DLG2: variants seen among roughly 807,000 people sequenced by gnomAD.
DLG2 encodes discs large MAGUK scaffold protein 2, also known as disks large homolog 2.
DLG2 carries 45 observed loss-of-function variants against 132.5 expected under a neutral mutation model. The observed-to-expected ratio is 0.34, with a 90% CI of 0.27 to 0.44. DLG2 has a LOEUF of 0.44. Ranked by LOEUF, DLG2 falls within the 20% of genes least tolerant of loss-of-function variation. The probability of loss-of-function intolerance (pLI) is 1.00; values close to 1 mark genes in which losing one functional copy is unlikely to be tolerated. For synonymous variants in DLG2, 424 were observed against 419.6 expected (o/e 1.01, Z -0.13); for missense variants, 1,045 against 1,196.9 (o/e 0.87, Z 1.87).
chr11:84,144,270 T>C (rs1213867820), intron 9 of DLG2, among the ~76,000 whole-genome samples: 1 of 152,138 alleles, frequency 6.6e-6, no homozygotes, highest in Non-Finnish European at 1.5e-5. Context: ...ACCAAGCCTG[T>C]TTTCTTACCT....
At chr11:83,746,027 T>A (rs749001698) in intron 18 of DLG2, among the ~76,000 whole-genome samples, 3 of 152,004 alleles carry the variant, frequency 2.0e-5, no homozygotes, top group Admixed American at 6.6e-5. Context: ...TCACAATGAG[T>A]TACCATCTCA....
At chr11:84,207,851 G>C (rs777677190) in intron 8 of DLG2, among the ~76,000 whole-genome samples, 2 of 152,050 alleles carry the variant, frequency 1.3e-5, no homozygotes, top group Non-Finnish European at 2.9e-5. Flanking sequence ...GCCACGGTCT[G>C]GGACAGAACT....
At chr11:85,434,663 GA>G (rs1565487950) in intron 3 of DLG2, among the ~76,000 whole-genome samples, 1 of 152,118 alleles carries the variant, frequency 6.6e-6, no homozygotes, top group East Asian at 1.9e-4. Flanking sequence ...AACAAGTTCT[GA>G]AATCAAGGCA....
chr11:85,320,156 C>T (rs2080959991), intron 3 of DLG2, among the ~76,000 whole-genome samples: 1 of 151,804 alleles, frequency 6.6e-6, no homozygotes, highest in African/African-American at 2.4e-5. Flanking sequence ...TTACCATATG[C>T]TGTGATAAAA....
At chr11:83,959,754 C>G (rs946472559) in intron 14 of DLG2, among the ~76,000 whole-genome samples, 2 of 152,058 alleles carry the variant, frequency 1.3e-5, no homozygotes, top group African/African-American at 4.8e-5. Flanking sequence ...CCTTTGAAAA[C>G]AGACAGACCT....
chr11:84,299,437 A>G (rs2098128593), intron 7 of DLG2, among the ~76,000 whole-genome samples: 2 of 152,146 alleles, frequency 1.3e-5, no homozygotes, highest in Non-Finnish European at 2.9e-5. Flanking sequence ...TATTTGAAAC[A>G]CTCTGGATAT....
chr11:85,245,494 C>T (rs1032848512), intron 4 of DLG2, among the ~76,000 whole-genome samples: 1 of 151,972 alleles, frequency 6.6e-6, no homozygotes, highest in African/African-American at 2.4e-5. Context: ...CTTCTCACCA[C>T]TTCCATCACT....
intron 6 of DLG2, among the ~76,000 whole-genome samples, chr11:84,980,456 C>A (rs945728234): frequency 6.6e-6 from 1 of 152,110 alleles, no homozygotes; most frequent in African/African-American, 2.4e-5. Context: ...CCAATCAACA[C>A]TGTATCCTAA....
At chr11:83,961,545 A>G (rs918110297) in intron 14 of DLG2, among the ~76,000 whole-genome samples, 1 of 152,068 alleles carries the variant, frequency 6.6e-6, no homozygotes, top group African/African-American at 2.4e-5. Context: ...AATGGAGATG[A>G]AAGCCTTTTT....
intron 3 of DLG2, among the ~76,000 whole-genome samples, chr11:85,423,534 G>C (rs775191546): frequency 6.6e-6 from 1 of 152,160 alleles, no homozygotes; most frequent in Admixed American, 6.5e-5. Flanking sequence ...GGGTGGGTAG[G>C]GAAGAACCAC....
At chr11:84,903,445 T>C (rs2091140517) in intron 6 of DLG2, among the ~76,000 whole-genome samples, 1 of 152,144 alleles carries the variant, frequency 6.6e-6, no homozygotes, top group South Asian at 2.1e-4. Flanking sequence ...TATGCTTACA[T>C]CATCATAATG....
At chr11:85,349,653 C>T (rs2083128116) in intron 3 of DLG2, among the ~76,000 whole-genome samples, 1 of 152,104 alleles carries the variant, frequency 6.6e-6, no homozygotes, top group African/African-American at 2.4e-5. Flanking sequence ...TAAGTGATAA[C>T]ATGCAGTGTT....
intron 6 of DLG2, among the ~76,000 whole-genome samples, chr11:84,716,801 G>T (rs1310305822): frequency 1.3e-5 from 2 of 151,764 alleles, no homozygotes; most frequent in Non-Finnish European, 1.5e-5. Context: ...AGAACTTAAG[G>T]TTAGATGGGA....
chr11:85,533,432 T>C (rs567505302), intron 3 of DLG2, among the ~76,000 whole-genome samples: 105 of 148,250 alleles, frequency 7.1e-4, no homozygotes, highest in Non-Finnish European at 1.1e-3. Flanking sequence ...AATATATATA[T>C]GAAATACATA....
chr11:83,637,161 G>T (rs1172302909), intron 18 of DLG2, among the ~76,000 whole-genome samples: 2 of 152,116 alleles, frequency 1.3e-5, no homozygotes, highest in African/African-American at 4.8e-5. Flanking sequence ...TAGAAGTCCT[G>T]AAATTGTATT....
At chr11:84,850,955 C>T (rs1420492416) in intron 6 of DLG2, among the ~76,000 whole-genome samples, 1 of 152,060 alleles carries the variant, frequency 6.6e-6, no homozygotes, top group Non-Finnish European at 1.5e-5. Context: ...GTTAAGATAA[C>T]AGTGCTCTTC....
Position 85,113,684 on chromosome 11 carries a change from G to C in DLG2, c.283-1949C>G, listed in dbSNP as rs184786088. On this transcript the variant is annotated intron_variant, in intron 5 of 27. Coordinates refer to ENST00000376104, the MANE Select transcript of DLG2 (RefSeq NM_001142699.3). The stretch of plus-strand genomic sequence containing the variant: ...CCCATTGATCTACCTGTGGAACTTT[G>C]GAAAACTCACTTTAACACTTTAGAC... Among the ~76,000 whole-genome samples, 36 of 151,992 alleles carry C rather than the reference G, an allele frequency of 2.4e-4. No homozygotes were observed. The East Asian group carries it at 6.2e-3, about 26-fold the overall frequency.
chr11:84,541,609 T>G (rs1364947495), intron 6 of DLG2, among the ~76,000 whole-genome samples: 5 of 152,034 alleles, frequency 3.3e-5, no homozygotes, highest in Admixed American at 2.0e-4. Flanking sequence ...CACAAATGCC[T>G]CAAGAGCAGA....
At chr11:85,527,809 G>A (rs575151281) in intron 3 of DLG2, among the ~76,000 whole-genome samples, 45 of 152,120 alleles carry the variant, frequency 3.0e-4, no homozygotes, top group Admixed American at 1.7e-3. Context: ...TTACACTCCC[G>A]CCAACAATAT....
Sources: gnomAD v4.1 joint callset for allele counts (sites outside exome capture counted in the v4.1 genomes callset) on GRCh38, gnomAD v4.1.1 for gene constraint, MANE v1.5 for transcripts, NCBI Gene and HGNC (gene_info 2026-07-23, HGNC 2026-07-21) for gene names.